PCLAF: variants seen among roughly 807,000 people sequenced by gnomAD.
PCLAF encodes PCNA clamp associated factor, also known as PCNA-associated factor.
PCLAF carries 12 observed loss-of-function variants against 15.1 expected under a neutral mutation model. The ratio of observed to expected loss-of-function variants is 0.79; its 90% confidence interval spans 0.51 to 1.29. The LOEUF (loss-of-function observed/expected upper bound fraction) is 1.29. Ranked by LOEUF, PCLAF falls within the 50% of genes most tolerant of loss-of-function variation. The probability of loss-of-function intolerance (pLI) is 0.00; values close to 1 mark genes in which losing one functional copy is unlikely to be tolerated. For synonymous variants in PCLAF, 33 were observed against 47.1 expected (o/e 0.70, Z 1.22); for missense variants, 116 against 130.9 (o/e 0.89, Z 0.56).
exon 1 of PCLAF, chr15:64,387,539 T>C: frequency 3.8e-6 from 5 of 1,324,458 alleles, no homozygotes; most frequent in Non-Finnish European, 4.9e-6. Flanking sequence ...TATTGGTTTG[T>C]TTTCCCCCTA....
At chr15:64,367,900 C>CT (rs60369821) in intron 3 of PCLAF, among the ~76,000 whole-genome samples, 1 of 149,798 alleles carries the variant, frequency 6.7e-6, no homozygotes, top group Non-Finnish European at 1.5e-5. Context: ...TCAAAAACTA[C>CT]TTTTTTTTTT....
At position 64,365,282 on chromosome 15, in the gene PCLAF, G is replaced by T. The variant is rs111383755; in HGVS notation, c.*748C>A. 1 of 152,582 alleles carries T rather than the reference G, an allele frequency of 6.6e-6. No homozygotes were observed. Among genetic ancestry groups the T allele is most frequent in the South Asian group, 2.1e-4 (1 of 4,840 alleles). The allele number at this position is 152,582 out of a possible 1,614,324, so 9.5% of individuals were successfully genotyped here. A position where few individuals can be genotyped will look rare whatever the true frequency, so the allele number is the denominator to read the frequency against. The stretch of plus-strand genomic sequence containing the variant: ...CTCCCAGAGTGCTGGGATTACAGGC[G>T]TGAGCCACCGCACCCGGCTAAAAAT... On this transcript the variant is annotated 3_prime_UTR_variant, in exon 4 of 4. Coordinates refer to ENST00000300035, the MANE Select transcript of PCLAF (RefSeq NM_014736.6).
At chr15:64,376,670 C>T (rs1378092908) in intron 3 of PCLAF, 73 bp downstream of exon 3, 58 of 1,249,152 alleles carry the variant, frequency 4.6e-5, no homozygotes, top group Middle Eastern at 2.6e-4. Context: ...CCTCCCGCCT[C>T]GGCCTCCCAA....
At chr15:64,381,927 G>C (rs1899834498), upstream of PCLAF, among the ~76,000 whole-genome samples, 3 of 152,256 alleles carry the variant, frequency 2.0e-5, no homozygotes, top group South Asian at 6.2e-4. Flanking sequence ...ACAATTCTAT[G>C]GAATGGGGAA....
At chr15:64,380,936 A>C in intron 2 of PCLAF, 22 bp downstream of exon 2, 1 of 1,610,128 alleles carries the variant, frequency 6.2e-7, no homozygotes, top group Non-Finnish European at 8.5e-7. Flanking sequence ...TGATCCCCTA[A>C]CTTTAGGAGG....
chr15:64,377,944 G>T (rs369052759), intron 2 of PCLAF, among the ~76,000 whole-genome samples: 27 of 145,810 alleles, frequency 1.9e-4, no homozygotes, highest in African/African-American at 6.8e-4. Context: ...TGTTTTTTTG[G>T]GGGGGAGACA....
Position 64,365,043 on chromosome 15 carries a change from C to A in PCLAF, c.*987G>T, listed in dbSNP as rs552309667. The A allele has an allele frequency of 6.9e-6, 1 of 145,304 alleles. No individual in the cohort carries two copies. The highest frequency in any genetic ancestry group is 7.2e-5 in the Admixed American group (1 of 13,962). The allele number at this position is 145,304 out of a possible 1,614,324, so 9.0% of individuals were successfully genotyped here. The stretch of plus-strand genomic sequence containing the variant: ...CGGAGTCTCGCTCTGTCGCCCAAGC[C>A]GGACTGCCGACTGCAGTGGCGCAAT... On this transcript the variant is annotated 3_prime_UTR_variant, in exon 4 of 4. Coordinates refer to ENST00000300035, the MANE Select transcript of PCLAF (RefSeq NM_014736.6).
intron 3 of PCLAF, among the ~76,000 whole-genome samples, chr15:64,371,087 G>C (rs1318828903): frequency 6.7e-6 from 1 of 149,808 alleles, no homozygotes; most frequent in Non-Finnish European, 1.5e-5. Context: ...TCCTGCCTCA[G>C]CCTCCCGAGT....
chr15:64,372,140 C>T (rs1443697759), intron 3 of PCLAF, among the ~76,000 whole-genome samples: 1 of 152,168 alleles, frequency 6.6e-6, no homozygotes, highest in Non-Finnish European at 1.5e-5. Flanking sequence ...CAATGCACTT[C>T]TAATTTTTGG....
At chr15:64,384,201 C>A (rs554558777), upstream of PCLAF, among the ~76,000 whole-genome samples, 1 of 152,206 alleles carries the variant, frequency 6.6e-6, no homozygotes, top group African/African-American at 2.4e-5. Context: ...GTGGCACGAT[C>A]TCAGCTCAAT....
chr15:64,387,562 T>C (rs1899975452), exon 1 of PCLAF: 2 of 1,352,408 alleles, frequency 1.5e-6, no homozygotes, highest in Non-Finnish European at 9.6e-7. Flanking sequence ...CTGTCGTTTT[T>C]ATAGGCACTT....
upstream of PCLAF, chr15:64,381,542 T>C (rs979877604): frequency 2.0e-6 from 3 of 1,484,716 alleles, no homozygotes; most frequent in Non-Finnish European, 9.0e-7. Context: ...CCGTTCCCCC[T>C]GAACCAATTG....
At chr15:64,377,488 AATATATATATATATATATATAT>A (rs1166593614) in intron 2 of PCLAF, among the ~76,000 whole-genome samples, 342 of 29,334 alleles carry the variant, frequency 0.012, 47 homozygotes, top group African/African-American at 0.032. Flanking sequence ...AAAAAAAAAA[AATATATATATATATATATATAT>A]ATATATATAT....
chr15:64,368,238 A>G (rs891238205), intron 3 of PCLAF, among the ~76,000 whole-genome samples: 7 of 151,966 alleles, frequency 4.6e-5, no homozygotes, highest in African/African-American at 1.5e-4. Context: ...CCAGCTACTC[A>G]GGAGGCTGAG....
At chr15:64,387,566 G>T in exon 1 of PCLAF, 2 of 1,349,388 alleles carry the variant, frequency 1.5e-6, no homozygotes, top group South Asian at 1.4e-5. Flanking sequence ...CGTTTTTATA[G>T]GCACTTGCAC....
chr15:64,368,163 G>A (rs1899125583), intron 3 of PCLAF, among the ~76,000 whole-genome samples: 2 of 151,826 alleles, frequency 1.3e-5, no homozygotes, highest in Non-Finnish European at 2.9e-5. Context: ...CCAACATAAT[G>A]AAACCCTGTC....
At chr15:64,385,643 AAAAAAG>A (rs1299023599), upstream of PCLAF, among the ~76,000 whole-genome samples, 1 of 151,992 alleles carries the variant, frequency 6.6e-6, no homozygotes, top group East Asian at 1.9e-4. Context: ...AAAAAGAAAA[AAAAAAG>A]AAAAAGAAAA....
At chr15:64,369,071 T>C (rs1899170136) in intron 3 of PCLAF, among the ~76,000 whole-genome samples, 1 of 152,046 alleles carries the variant, frequency 6.6e-6, no homozygotes, top group Non-Finnish European at 1.5e-5. Context: ...CCAAAATGTA[T>C]CCCTCTGGGG....
intron 3 of PCLAF, among the ~76,000 whole-genome samples, chr15:64,368,711 A>T (rs1208510410): frequency 6.6e-6 from 1 of 151,178 alleles, no homozygotes; most frequent in African/African-American, 2.5e-5. Flanking sequence ...AAGAAATAAT[A>T]TAAACCTCTA....
Sources: allele counts gnomAD v4.1 joint callset (sites outside exome capture counted in the v4.1 genomes callset), GRCh38; gene constraint gnomAD v4.1.1; transcripts MANE v1.5; gene names NCBI Gene and HGNC (gene_info 2026-07-23, HGNC 2026-07-21).